Variants in VAPB observed in about 807,000 individuals in gnomAD.
VAPB encodes the protein vesicle-associated membrane protein-associated protein B/C.
Under a neutral mutation model 25.6 loss-of-function variants are expected in VAPB, and 7 were observed. The observed-to-expected ratio is 0.27, with a 90% CI of 0.16 to 0.51. The LOEUF (loss-of-function observed/expected upper bound fraction) is 0.51. VAPB is among the 20% of genes least tolerant of loss of function. The probability of loss-of-function intolerance (pLI) is 0.97; values close to 1 mark genes in which losing one functional copy is unlikely to be tolerated. For synonymous variants in VAPB, 112 were observed against 109.2 expected, an observed-to-expected ratio of 1.03 and a Z score of -0.16; for missense variants, 266 against 301.3, an observed-to-expected ratio of 0.88 and a Z score of 0.87.
At chr20:58,421,385 C>T (rs1035662849) in intron 2 of VAPB, among the ~76,000 whole-genome samples, 6 of 152,090 alleles carry the variant, frequency 3.9e-5, no homozygotes, top group African/African-American at 1.4e-4. Flanking sequence ...AAATAAATTA[C>T]CCCTATATTT....
At chr20:58,400,449 A>T (rs931752030) in intron 1 of VAPB, among the ~76,000 whole-genome samples, 1 of 152,212 alleles carries the variant, frequency 6.6e-6, no homozygotes, top group Non-Finnish European at 1.5e-5. Context: ...CACTACTTGT[A>T]TTAACCTTTC....
rs1457929691 is a variant in VAPB, at chr20:58,446,079, T to C, written c.*1844T>C. 1 of 454,024 alleles carries C rather than the reference T, an allele frequency of 2.2e-6. No individual in the cohort carries two copies. Among genetic ancestry groups the C allele is most frequent in the East Asian group, 6.9e-5 (1 of 14,390 alleles). 28.1% of individuals were successfully genotyped at this position (454,024 alleles called of 1,614,324 possible). ...AACTTCCTGTCTTCATGAAAAAAGTTGACTTTGAATCCCAGGTACTCACAG... is the reference window on the plus strand; with the variant it reads ...AACTTCCTGTCTTCATGAAAAAAGTCGACTTTGAATCCCAGGTACTCACAG... On this transcript the variant is annotated 3_prime_UTR_variant, in exon 6 of 6. Coordinates refer to ENST00000475243, the MANE Select transcript of VAPB (RefSeq NM_004738.5).
intron 1 of VAPB, among the ~76,000 whole-genome samples, chr20:58,398,176 A>G (rs148892101): frequency 1.1e-3 from 160 of 152,334 alleles, no homozygotes; most frequent in African/African-American, 3.6e-3. Flanking sequence ...CACAAAGCCT[A>G]TTGTATGATA....
chr20:58,399,007 AAT>A (rs948287852), intron 1 of VAPB, among the ~76,000 whole-genome samples: 1 of 152,094 alleles, frequency 6.6e-6, no homozygotes, highest in African/African-American at 2.4e-5. Context: ...GGGATAGAAA[AAT>A]AAAGGAAAAG....
Position 58,448,440 on chromosome 20 carries a change from C to G in VAPB, c.*4205C>G. 8.8e-6 allele frequency: 4 copies of G among 454,084 alleles called. No homozygotes were observed. Among genetic ancestry groups the G allele is most frequent in the South Asian group, 6.2e-5 (4 of 64,478 alleles). 28.1% of individuals were successfully genotyped at this position (454,084 alleles called of 1,614,324 possible). A position where few individuals can be genotyped will look rare whatever the true frequency, so the allele number is the denominator to read the frequency against. The stretch of plus-strand genomic sequence containing the variant: ...CTGTATAGAACATTTCCAATACATT[C>G]GCTCATTGAACTTAATCCTTGCAAC... On this transcript the variant is annotated 3_prime_UTR_variant, in exon 6 of 6. Transcript: ENST00000475243.
At position 58,445,608 on chromosome 20, in the gene VAPB, T is replaced by C. The variant is rs994352375; in HGVS notation, c.*1373T>C. 2.2e-6 allele frequency: 1 copy of C among 454,334 alleles called. No homozygotes were observed. The highest frequency in any genetic ancestry group is 4.4e-6 in the Non-Finnish European group (1 of 226,790). The allele number at this position is 454,334 out of a possible 1,614,324, so 28.1% of individuals were successfully genotyped here. ...TGGGGGGAATTATTATTTTATCATT[T>C]TTATTATTTTGCCATTGGAAGGTTA... On this transcript the variant is annotated 3_prime_UTR_variant, in exon 6 of 6. Coordinates refer to ENST00000475243, the MANE Select transcript of VAPB (RefSeq NM_004738.5).
intron 3 of VAPB, among the ~76,000 whole-genome samples, chr20:58,435,358 C>T (rs561350479): frequency 3.0e-4 from 46 of 152,174 alleles, no homozygotes; most frequent in Admixed American, 4.6e-4. Flanking sequence ...AGTCCATTGG[C>T]ATTCTGGGGC....
intron 2 of VAPB, among the ~76,000 whole-genome samples, chr20:58,430,656 A>G (rs1385357122): frequency 6.6e-6 from 1 of 151,826 alleles, no homozygotes. Flanking sequence ...GCTCACTGCA[A>G]TCTCCACCTC....
At chr20:58,402,342 A>G (rs940000970) in intron 1 of VAPB, among the ~76,000 whole-genome samples, 2 of 151,992 alleles carry the variant, frequency 1.3e-5, no homozygotes, top group Non-Finnish European at 1.5e-5. Flanking sequence ...TGTTTCCACC[A>G]CTAAAAATTA....
intron 1 of VAPB, among the ~76,000 whole-genome samples, chr20:58,401,648 C>T (rs1438659199): frequency 1.3e-5 from 2 of 152,140 alleles, no homozygotes; most frequent in Non-Finnish European, 2.9e-5. Context: ...CCTTCTCCCC[C>T]TCTTCTCCTT....
chr20:58,413,649 T>G (rs1386642721), intron 1 of VAPB, among the ~76,000 whole-genome samples: 2 of 151,802 alleles, frequency 1.3e-5, no homozygotes, highest in Non-Finnish European at 2.9e-5. Context: ...CCGTTCTCAA[T>G]GAGCTGTTGG....
At chr20:58,419,985 C>G (rs1253935319) in intron 2 of VAPB, among the ~76,000 whole-genome samples, 1 of 151,942 alleles carries the variant, frequency 6.6e-6, no homozygotes, top group Non-Finnish European at 1.5e-5. Flanking sequence ...GTGTATGTCT[C>G]TATCTCTCTC....
chr20:58,402,561 CCTTT>C (rs1988125008), intron 1 of VAPB, among the ~76,000 whole-genome samples: 7 of 111,986 alleles, frequency 6.3e-5, no homozygotes, highest in African/African-American at 6.6e-5. Flanking sequence ...GCCCCCCCAC[CCTTT>C]TTTTTTTTTT....
intron 2 of VAPB, 40 bp from the exon 3 acceptor site, chr20:58,434,562 C>G (rs1319031931): frequency 9.6e-7 from 1 of 1,037,038 alleles, no homozygotes; most frequent in South Asian, 1.3e-5. Flanking sequence ...GCACTGACAA[C>G]CAAGCTCTGA....
chr20:58,414,660 A>T (rs1298707373), intron 1 of VAPB, among the ~76,000 whole-genome samples: 1 of 149,460 alleles, frequency 6.7e-6, no homozygotes, highest in African/African-American at 2.5e-5. Flanking sequence ...CACTTCCTAG[A>T]TGTGATGGCG....
intron 2 of VAPB, among the ~76,000 whole-genome samples, chr20:58,424,462 G>A (rs549003475): frequency 1.3e-5 from 2 of 151,938 alleles, no homozygotes; most frequent in Non-Finnish European, 2.9e-5. Context: ...AAGCCTCGGG[G>A]AATTGTTCTC....
In VAPB at chr20:58,430,576, C is replaced by CT. The variant is rs540460479; in HGVS notation, c.212-4015dup. On this transcript the variant is annotated intron_variant, in intron 2 of 5. Transcript: ENST00000475243. ...TGCCTGGCCTGCAAATTTCATTTTT[C>CT]TTTTTTTTTTTGTTTTGAGACAGAG... Among the ~76,000 whole-genome samples, 211 of 143,216 alleles carry CT rather than the reference C, an allele frequency of 1.5e-3. 1 individual carries two copies. Among genetic ancestry groups the CT allele is most frequent in the South Asian group, 8.9e-3 (40 of 4,514 alleles). The allele number at this position is 143,216 out of a possible 152,430, so 94.0% of individuals were successfully genotyped here.
chr20:58,394,056 G>A (rs1009135984), intron 1 of VAPB, among the ~76,000 whole-genome samples: 15 of 152,330 alleles, frequency 9.8e-5, no homozygotes, highest in African/African-American at 3.6e-4. Context: ...CATAACTGTG[G>A]ATGCATTTAC....
intron 1 of VAPB, among the ~76,000 whole-genome samples, chr20:58,405,547 C>T (rs2123035390): frequency 6.6e-6 from 1 of 151,304 alleles, no homozygotes; most frequent in South Asian, 2.1e-4. Context: ...ACTGCAACCT[C>T]TGTCTCCCGG....
Sources: allele counts gnomAD v4.1 joint callset (sites outside exome capture counted in the v4.1 genomes callset), GRCh38; gene constraint gnomAD v4.1.1; transcripts MANE v1.5; gene names NCBI Gene and HGNC (gene_info 2026-07-23, HGNC 2026-07-21).